The following LMO7 variants were observed in gnomAD, a reference collection of about 807,000 sequenced individuals.
LMO7 encodes LIM domain 7, also known as LIM domain only protein 7.
In LMO7, 120 loss-of-function variants were observed where a neutral mutation model predicts 206.5. The observed-to-expected ratio is 0.58, with a 90% CI of 0.50 to 0.68. The LOEUF (loss-of-function observed/expected upper bound fraction) is 0.68. Among genes scored for constraint, LMO7 ranks in the 30% least tolerant of loss-of-function variants. The pLI, the probability that LMO7 is intolerant of heterozygous loss-of-function variation, is 0.00. For synonymous variants in LMO7, 706 were observed against 681.5 expected (o/e 1.04, Z -0.56); for missense variants, 1,959 against 1,957.9 (o/e 1.00, Z -0.01).
chr13:75,756,524 G>A (rs765940081), intron 3 of LMO7, among the ~76,000 whole-genome samples: 18 of 152,172 alleles, frequency 1.2e-4, no homozygotes, highest in Non-Finnish European at 2.4e-4. Context: ...CAAAAACCAT[G>A]AAGTATTACC....
At chr13:75,732,820 T>G (rs1029737153) in intron 3 of LMO7, among the ~76,000 whole-genome samples, 7 of 152,218 alleles carry the variant, frequency 4.6e-5, no homozygotes, top group African/African-American at 1.7e-4. Context: ...GTCCTTTCTG[T>G]TTGTTAGTTT....
chr13:75,697,025 A>G (rs1353958088), intron 1 of LMO7, among the ~76,000 whole-genome samples: 1 of 152,070 alleles, frequency 6.6e-6, no homozygotes. Context: ...CAAACAACAC[A>G]TGTGCACGGG....
At chr13:75,736,890 A>C (rs537098792) in intron 3 of LMO7, among the ~76,000 whole-genome samples, 1 of 152,356 alleles carries the variant, frequency 6.6e-6, no homozygotes, top group East Asian at 1.9e-4. Flanking sequence ...TGACTGATAC[A>C]TATAGGAGAT....
intron 1 of LMO7, among the ~76,000 whole-genome samples, chr13:75,695,587 T>A (rs1365440116): frequency 6.6e-6 from 1 of 152,214 alleles, no homozygotes; most frequent in Non-Finnish European, 1.5e-5. Context: ...CCTCGTGATC[T>A]GCCCGCCTTG....
In LMO7 at chr13:75,821,243, G is replaced by A; in HGVS notation, c.2274G>A (p.Leu758=). Residue 758 remains leucine, a synonymous_variant, in exon 14 of 31, where the codon CTG becomes CTA. Coordinates refer to ENST00000377534, the MANE Select transcript of LMO7 (RefSeq NM_001306080.2). Reference sequence around the variant, plus strand: ...GAATGTATTCTTTTGATGATGTGCTGGAGGAAGGAAAGCGACCCCCTACAA... The same window carrying A: ...GAATGTATTCTTTTGATGATGTGCTAGAGGAAGGAAAGCGACCCCCTACAA... ...RRRMYSFDDV[L]EEGKRPPTMT... 6.2e-7 allele frequency: 1 copy of A among 1,613,962 alleles called. No individual in the cohort carries two copies. Among genetic ancestry groups the A allele is most frequent in the Non-Finnish European group, 8.5e-7 (1 of 1,179,922 alleles).
At chr13:75,665,588 G>A (rs929466909) in intron 1 of LMO7, among the ~76,000 whole-genome samples, 132 of 151,592 alleles carry the variant, frequency 8.7e-4, no homozygotes, top group African/African-American at 2.5e-3. Context: ...GTGCAATGGC[G>A]CGATCTCAGC....
chr13:75,848,433 A>ATCTG (rs1423952040), intron 26 of LMO7, among the ~76,000 whole-genome samples: 1 of 149,288 alleles, frequency 6.7e-6, no homozygotes, highest in Admixed American at 6.6e-5. Context: ...CCATGCGATT[A>ATCTG]TCTATCTATC....
rs528724595 is a variant in LMO7 at position 75,671,574 on chromosome 13, G to C, written c.69+34848G>C. ...CCCAAGCCAGTTAACAAACCTTCCT[G>C]TTCCTTCTAGCCCTCATGAAGCTGC... On this transcript the variant is annotated intron_variant, in intron 1 of 30. Transcript: ENST00000377534. 1.3e-4 allele frequency among the ~76,000 whole-genome samples: 20 copies of C among 152,162 alleles called. 1 individual carries two copies. In the South Asian group the frequency reaches 3.9e-3, roughly 30 times the overall value.
chr13:75,827,522 A>G (rs7984837), intron 15 of LMO7, among the ~76,000 whole-genome samples: 108,687 of 151,626 alleles, frequency 0.72, 39,143 homozygotes, highest in Middle Eastern at 0.86. Flanking sequence ...GTCTCTTGCT[A>G]TTCTTTTTGC....
chr13:75,847,655 C>G lies in LMO7; in HGVS notation c.4151-1424C>G, dbSNP rs555954426. On this transcript the variant is annotated intron_variant, in intron 26 of 30. Coordinates refer to ENST00000377534, the MANE Select transcript of LMO7 (RefSeq NM_001306080.2). ...TTCCTTTTAGAGTTGTTACAGCAAG[C>G]ATTTGAGCATGTTCTTGATTGATTT... Among the ~76,000 whole-genome samples, 9 of 152,266 alleles carry G rather than the reference C, an allele frequency of 5.9e-5. No homozygotes were observed. The East Asian group carries it at 1.7e-3, about 29-fold the overall frequency.
intron 1 of LMO7, among the ~76,000 whole-genome samples, chr13:75,681,714 A>G (rs1594247388): frequency 9.0e-6 from 1 of 111,414 alleles, no homozygotes; most frequent in Non-Finnish European, 1.9e-5. Context: ...GTGTATATAT[A>G]TATGTATATA....
intron 24 of LMO7, 90 bp from the exon 25 acceptor site, chr13:75,842,758 CTAG>C (rs2059653915): frequency 2.6e-6 from 2 of 759,974 alleles, no homozygotes; most frequent in African/African-American, 3.5e-5. Flanking sequence ...CATAAAGAGG[CTAG>C]AATGACATTA....
intron 4 of LMO7, among the ~76,000 whole-genome samples, chr13:75,772,445 T>C (rs974892802): frequency 4.6e-4 from 70 of 152,120 alleles, no homozygotes; most frequent in African/African-American, 1.5e-3. Flanking sequence ...AAGAAATTGT[T>C]TGAACGTTTT....
chr13:75,847,429 T>A (rs760022796), intron 26 of LMO7, among the ~76,000 whole-genome samples: 2 of 152,220 alleles, frequency 1.3e-5, no homozygotes, highest in African/African-American at 2.4e-5. Flanking sequence ...TCTAGTAACA[T>A]TTATGGATGA....
Position 75,821,171 on chromosome 13 carries a change from G to A in LMO7, c.2208-6G>A, listed in dbSNP as rs371211491. The A allele has an allele frequency of 1.8e-5, 29 of 1,592,056 alleles. No homozygotes were observed. The highest frequency in any genetic ancestry group is 1.6e-4 in the African/African-American group (12 of 73,788). On this transcript the variant is annotated splice_region_variant and splice_polypyrimidine_tract_variant and intron_variant, in intron 13 of 30. Coordinates refer to ENST00000377534, the MANE Select transcript of LMO7 (RefSeq NM_001306080.2). ...TTGTGGTGATGGTGCATTTCTCTCC[G>A]CTAAGGGAATCCCAAAATCAAAAGT...
At chr13:75,750,804 C>A (rs992263978) in intron 3 of LMO7, among the ~76,000 whole-genome samples, 11 of 152,174 alleles carry the variant, frequency 7.2e-5, no homozygotes, top group African/African-American at 2.7e-4. Flanking sequence ...TCTGTGGCCA[C>A]GCTTTGTGTA....
intron 28 of LMO7, 114 bp from the exon 29 acceptor site, chr13:75,855,146 T>C: frequency 1.7e-6 from 1 of 598,762 alleles, no homozygotes; most frequent in South Asian, 2.6e-5. Context: ...CACAGATATA[T>C]GTATAGAGCT....
intron 14 of LMO7, among the ~76,000 whole-genome samples, chr13:75,822,718 C>G (rs2057696653): frequency 6.8e-6 from 1 of 146,334 alleles, no homozygotes; most frequent in Non-Finnish European, 1.5e-5. Context: ...AGATGTTCCT[C>G]ATACATTACT....
At chr13:75,737,436 T>C (rs1238530509) in intron 3 of LMO7, among the ~76,000 whole-genome samples, 1 of 151,544 alleles carries the variant, frequency 6.6e-6, no homozygotes, top group Non-Finnish European at 1.5e-5. Flanking sequence ...TAGGTACATG[T>C]TTTAGTTAAT....
Sources: allele counts gnomAD v4.1 joint callset (sites outside exome capture counted in the v4.1 genomes callset), GRCh38; gene constraint gnomAD v4.1.1; transcripts MANE v1.5; gene names NCBI Gene and HGNC (gene_info 2026-07-23, HGNC 2026-07-21).